Variants in CCDC3 observed in about 807,000 individuals in gnomAD.
CCDC3 encodes coiled-coil domain containing 3.
Under a neutral mutation model 21.4 loss-of-function variants are expected in CCDC3, and 24 were observed. That is an observed-to-expected ratio of 1.12 (90% confidence interval 0.81 to 1.58). CCDC3 has a LOEUF of 1.58. CCDC3 is among the 40% of genes most tolerant of loss of function. The probability of loss-of-function intolerance (pLI) is 0.00; values close to 1 mark genes in which losing one functional copy is unlikely to be tolerated. For synonymous variants in CCDC3, 186 were observed against 166.0 expected, an observed-to-expected ratio of 1.12 and a Z score of -0.93; for missense variants, 425 against 360.9, an observed-to-expected ratio of 1.18 and a Z score of -1.44.
At chr10:13,098,710 A>ATTTTTGTTTTTTTTTT (rs1832666921) in intron 2 of CCDC3, 1 of 64,854 alleles carries the variant, frequency 1.5e-5, no homozygotes, top group Admixed American at 2.5e-4. Context: ...TCCTGCACTG[A>ATTTTTGTTTTTTTTTT]TTTTTTTTTT....
At chr10:13,061,251 A>C (rs1012940184) in intron 4 of CCDC3, among the ~76,000 whole-genome samples, 7 of 152,218 alleles carry the variant, frequency 4.6e-5, no homozygotes, top group Non-Finnish European at 1.5e-5. Flanking sequence ...TGGAACACAC[A>C]GTTCCACCTC....
intron 3 of CCDC3, among the ~76,000 whole-genome samples, chr10:13,086,429 A>G (rs2131451352): frequency 6.6e-6 from 1 of 152,326 alleles, no homozygotes; most frequent in East Asian, 1.9e-4. Context: ...GGGAGTTATG[A>G]ATAAAACTCT....
intron 2 of CCDC3, among the ~76,000 whole-genome samples, chr10:12,938,442 C>T (rs896716103): frequency 6.6e-6 from 1 of 152,230 alleles, no homozygotes. Flanking sequence ...ACGTCATCAG[C>T]TGGAACTATT....
At chr10:13,016,679 G>T (rs889336279) in intron 5 of CCDC3, among the ~76,000 whole-genome samples, 1 of 151,984 alleles carries the variant, frequency 6.6e-6, no homozygotes, top group South Asian at 2.1e-4. Flanking sequence ...CCCTGCCTGT[G>T]GTCCCCTGGC....
chr10:13,050,846 G>A (rs1408045878), intron 4 of CCDC3, among the ~76,000 whole-genome samples: 1 of 152,070 alleles, frequency 6.6e-6, no homozygotes, highest in Non-Finnish European at 1.5e-5. Context: ...GAGTGCAGTG[G>A]TGAGATCACA....
At chr10:12,936,098 A>G (rs1054708184) in intron 2 of CCDC3, among the ~76,000 whole-genome samples, 3 of 152,102 alleles carry the variant, frequency 2.0e-5, no homozygotes, top group Non-Finnish European at 4.4e-5. Context: ...TTTCTGACCT[A>G]TATCAATTTT....
At chr10:13,001,784 C>G (rs1835861352), upstream of CCDC3, 1 of 183,730 alleles carries the variant, frequency 5.4e-6, no homozygotes, top group African/African-American at 2.4e-5. Flanking sequence ...GCCTCCCGCC[C>G]TGCCCCCTGC....
intron 4 of CCDC3, among the ~76,000 whole-genome samples, chr10:13,068,599 T>C (rs1412760155): frequency 6.6e-6 from 1 of 152,180 alleles, no homozygotes; most frequent in African/African-American, 2.4e-5. Context: ...ACTGCCTTTT[T>C]TGGTTTTTGT....
chr10:12,900,416 C>A (rs968321651), intron 2 of CCDC3, among the ~76,000 whole-genome samples: 1 of 150,998 alleles, frequency 6.6e-6, no homozygotes, highest in Non-Finnish European at 1.5e-5. Flanking sequence ...TGGTGGCTCA[C>A]GCCTGTAATC....
At chr10:12,987,400 T>C (rs1208452936) in intron 2 of CCDC3, among the ~76,000 whole-genome samples, 1 of 152,236 alleles carries the variant, frequency 6.6e-6, no homozygotes, top group Admixed American at 6.5e-5. Flanking sequence ...AGCTGTAACA[T>C]AACGCCTCAC....
At chr10:13,023,054 A>G (rs1252173554) in intron 5 of CCDC3, among the ~76,000 whole-genome samples, 3 of 148,792 alleles carry the variant, frequency 2.0e-5, no homozygotes, top group Admixed American at 6.9e-5. Context: ...GAAAAATTAA[A>G]TAAAATCCTT....
chr10:13,084,603 A>G (rs569689271), intron 3 of CCDC3, among the ~76,000 whole-genome samples: 7 of 152,172 alleles, frequency 4.6e-5, no homozygotes, highest in Admixed American at 6.5e-5. Flanking sequence ...TACTTTCTCA[A>G]TAAACTTGCT....
At chr10:12,967,230 A>T (rs771553318) in intron 2 of CCDC3, among the ~76,000 whole-genome samples, 4 of 152,238 alleles carry the variant, frequency 2.6e-5, no homozygotes, top group Non-Finnish European at 5.9e-5. Flanking sequence ...AACAGCTCCA[A>T]GAGGTGACTT....
chr10:12,927,125 T>A (rs1483523042), intron 2 of CCDC3, among the ~76,000 whole-genome samples: 1 of 152,184 alleles, frequency 6.6e-6, no homozygotes, highest in Non-Finnish European at 1.5e-5. Context: ...AAATTATTTT[T>A]AAAATGGAAA....
chr10:12,965,675 T>G (rs1197669024), intron 2 of CCDC3, among the ~76,000 whole-genome samples: 2 of 152,250 alleles, frequency 1.3e-5, no homozygotes, highest in Non-Finnish European at 2.9e-5. Flanking sequence ...ATTCAAAGTA[T>G]AAACAATTTG....
chr10:12,919,972 T>G (rs571727838), intron 2 of CCDC3, among the ~76,000 whole-genome samples: 1 of 152,140 alleles, frequency 6.6e-6, no homozygotes, highest in South Asian at 2.1e-4. Flanking sequence ...AGTCACAAAT[T>G]CCATCTAGTG....
chr10:12,904,325 C>T lies in CCDC3; in HGVS notation c.550-5646G>A, dbSNP rs185087563. Among the ~76,000 whole-genome samples, 735 of 151,730 alleles carry T rather than the reference C, an allele frequency of 4.8e-3. 4 individuals carry two copies. Among genetic ancestry groups the T allele is most frequent in the Middle Eastern group, 0.014 (4 of 294 alleles). Reference sequence around the variant, plus strand: ...CTAAAAAATAAAAATAAAAAATAGCCCGGCATAGTGGTGCACATCTGTGGT... The same window carrying T: ...CTAAAAAATAAAAATAAAAAATAGCTCGGCATAGTGGTGCACATCTGTGGT... On this transcript the variant is annotated intron_variant, in intron 2 of 2. Transcript: ENST00000378825.
intron 2 of CCDC3, 103 bp from the exon 3 acceptor site, chr10:12,898,782 A>ACC: frequency 1.5e-6 from 2 of 1,359,886 alleles, no homozygotes; most frequent in Non-Finnish European, 2.0e-6. Context: ...AGCAACACAG[A>ACC]CCCCGATTCC....
rs145770636 is a variant in CCDC3, at chr10:12,898,650, C to T, written c.579G>A (p.Leu193=). Residue 193 remains leucine (L), a synonymous_variant, in exon 3 of 3, where the codon TTG becomes TTA. Transcript: ENST00000378825. ...RLMCSSVQKA[L]FEEEDHVKKL... ...TCTTGACGTGGTCCTCCTCCTCAAA[C>T]AAGGCCTTCTGCACCGAGGAGCACA... 1.9e-5 allele frequency: 31 copies of T among 1,614,114 alleles called. No homozygotes were observed. In the African/African-American group the frequency reaches 3.3e-4, roughly 17 times the overall value.
Sources: allele counts gnomAD v4.1 joint callset (sites outside exome capture counted in the v4.1 genomes callset), GRCh38; gene constraint gnomAD v4.1.1; transcripts MANE v1.5; gene names NCBI Gene and HGNC (gene_info 2026-07-23, HGNC 2026-07-21).